The following PCM1 variants were observed in gnomAD, a reference collection of about 807,000 sequenced individuals.
The protein encoded by PCM1 is pericentriolar material 1.
In PCM1, 157 loss-of-function variants were observed where a neutral mutation model predicts 241.9. The observed-to-expected ratio is 0.65, with a 90% CI of 0.57 to 0.74. The LOEUF (loss-of-function observed/expected upper bound fraction) is 0.74. Ranked by LOEUF, PCM1 falls within the 30% of genes least tolerant of loss-of-function variation. PCM1 has a pLI of 0.00. For synonymous variants in PCM1, 1,085 were observed against 784.9 expected, an observed-to-expected ratio of 1.38 and a Z score of -6.39; for missense variants, 3,478 against 2,360.1, an observed-to-expected ratio of 1.47 and a Z score of -9.81.
rs191799077 is a variant in PCM1 at position 17,974,963 on chromosome 8, T to A, written c.3943+2276T>A. Among the ~76,000 whole-genome samples, 12 of 151,986 alleles carry A rather than the reference T, an allele frequency of 7.9e-5. No homozygotes were observed. In the East Asian group the frequency reaches 2.1e-3, roughly 27 times the overall value. On this transcript the variant is annotated intron_variant, in intron 23 of 38. Transcript: ENST00000325083. ...GAAGTAATATGGGGTAAAATCAAAT[T>A]AGCTCAATCCTTGCTATTCAAACTC...
intron 24 of PCM1, among the ~76,000 whole-genome samples, chr8:17,984,742 G>A (rs2082047907): frequency 6.6e-6 from 1 of 151,876 alleles, no homozygotes; most frequent in African/African-American, 2.4e-5. Context: ...ATAATTTTGT[G>A]TTATCAACAA....
intron 36 of PCM1, among the ~76,000 whole-genome samples, chr8:18,016,081 G>C (rs1035859718): frequency 1.3e-5 from 2 of 152,126 alleles, no homozygotes; most frequent in African/African-American, 4.8e-5. Context: ...GTAGAGACAG[G>C]GTTTCACCGT....
At chr8:17,930,101 C>CTTTT (rs3988353) in intron 2 of PCM1, among the ~76,000 whole-genome samples, 1 of 109,290 alleles carries the variant, frequency 9.1e-6, no homozygotes, top group Non-Finnish European at 2.0e-5. Context: ...GGAATACTTC[C>CTTTT]TTTTTTTTTT....
chr8:17,947,039 C>G (rs2064085772), intron 6 of PCM1, 147 bp from the exon 7 acceptor site: 2 of 510,510 alleles, frequency 3.9e-6, no homozygotes, highest in Non-Finnish European at 7.0e-6. Context: ...TCTGTTCTTA[C>G]TCTTTTTTCT....
chr8:17,977,734 T>C (rs2079258692), intron 23 of PCM1, among the ~76,000 whole-genome samples: 1 of 152,180 alleles, frequency 6.6e-6, no homozygotes, highest in Admixed American at 6.5e-5. Context: ...CATTAGTCTT[T>C]GCAGCTGAAG....
intron 26 of PCM1, among the ~76,000 whole-genome samples, chr8:17,987,956 G>T (rs1288717216): frequency 6.6e-6 from 1 of 151,660 alleles, no homozygotes; most frequent in Non-Finnish European, 1.5e-5. Flanking sequence ...TATGCTTCTT[G>T]AGCTTCATTT....
chr8:17,947,525 G>A (rs1290307958), intron 7 of PCM1, among the ~76,000 whole-genome samples, 162 bp downstream of exon 7: 1 of 152,150 alleles, frequency 6.6e-6, no homozygotes, highest in Non-Finnish European at 1.5e-5. Context: ...TGGTTATGCA[G>A]AAAAGGTTGC....
At chr8:17,973,962 A>C (rs971646676) in intron 23 of PCM1, among the ~76,000 whole-genome samples, 1 of 152,192 alleles carries the variant, frequency 6.6e-6, no homozygotes, top group Non-Finnish European at 1.5e-5. Context: ...GATACAAGAG[A>C]ATATTGGCAC....
intron 29 of PCM1, among the ~76,000 whole-genome samples, chr8:17,998,966 C>T (rs2088064047): frequency 6.6e-6 from 1 of 152,122 alleles, no homozygotes; most frequent in African/African-American, 2.4e-5. Context: ...ATGAGTTCTG[C>T]TAATATTCAT....
intron 6 of PCM1, among the ~76,000 whole-genome samples, chr8:17,944,020 A>C (rs1014114844): frequency 3.9e-5 from 6 of 152,196 alleles, no homozygotes; most frequent in Non-Finnish European, 8.8e-5. Flanking sequence ...TGTCAGAAGA[A>C]GGCAAAAGAA....
chr8:17,966,668 G>C (rs150481117), intron 20 of PCM1, among the ~76,000 whole-genome samples, 195 bp downstream of exon 20: 210 of 152,260 alleles, frequency 1.4e-3, no homozygotes, highest in African/African-American at 4.7e-3. Flanking sequence ...ATAAATTTAT[G>C]TTATTGAATT....
intron 30 of PCM1, among the ~76,000 whole-genome samples, chr8:18,007,188 T>C (rs1434530090): frequency 6.6e-6 from 1 of 152,220 alleles, no homozygotes; most frequent in Non-Finnish European, 1.5e-5. Flanking sequence ...CCACATTAGG[T>C]GATACATTTT....
At position 17,969,501 on chromosome 8, in the gene PCM1, A is replaced by C. The variant is rs115446605; in HGVS notation, c.3413-76A>C. ...TGGATTTGAATGACATGTTTAATTA[A>C]AACTGTCTTTTAATTTCATTTTAAA... On this transcript the variant is annotated intron_variant, in intron 21 of 38. Transcript: ENST00000325083. 1,886 of 1,119,072 alleles carry C rather than the reference A, an allele frequency of 1.7e-3. 24 individuals are homozygous for C. In the African/African-American group the frequency reaches 0.027, roughly 16 times the overall value. The allele number at this position is 1,119,072 out of a possible 1,614,324, so 69.3% of individuals were successfully genotyped here. A position where few individuals can be genotyped will look rare whatever the true frequency, so the allele number is the denominator to read the frequency against.
At position 17,966,163 on chromosome 8, in the gene PCM1, A is replaced by G. The variant is rs755784808; in HGVS notation, c.3020A>G (p.Lys1007Arg). The change falls in exon 19 of 39, where the codon AAG (lysine) becomes AGG (arginine). Residue 1007 changes from lysine to arginine, a missense_variant. By Grantham distance (26) the Lys-to-Arg change is conservative. Coordinates refer to ENST00000325083, the MANE Select transcript of PCM1 (RefSeq NM_006197.4). ...EQWQEQINQL[K>R]KQLDFSVSIC... ...TGGCAAGAACAAATCAATCAGCTAA[A>G]GAAACAGCTTGATTTTAGTGTCAGT... is the stretch of plus-strand genomic sequence containing the variant. 3 of 1,613,884 alleles carry G rather than the reference A, an allele frequency of 1.9e-6. No homozygotes were observed. Among genetic ancestry groups the G allele is most frequent in the Non-Finnish European group, 2.5e-6 (3 of 1,179,876 alleles).
intron 23 of PCM1, among the ~76,000 whole-genome samples, chr8:17,978,852 C>G (rs2079667677): frequency 1.3e-5 from 2 of 152,128 alleles, no homozygotes; most frequent in Admixed American, 6.5e-5. Context: ...TCTAGACTAT[C>G]AACACTAGAG....
Position 17,962,172 on chromosome 8 carries a change from G to C in PCM1, c.2461G>C (p.Glu821Gln). Reference protein sequence around the residue: ...EPEDSSIVDNELWSEMRRHEM... With the variant: ...EPEDSSIVDNQLWSEMRRHEM... ...TGAAGATTCTTCAATAGTAGATAAT[G>C]AGGTATTGTAAATTGTACTCTCTTG... Residue 821 changes from glutamate to glutamine, a missense_variant and splice_region_variant, in exon 16 of 39, where the codon GAG becomes CAG. Transcript: ENST00000325083. 2 of 1,600,848 alleles carry C rather than the reference G, an allele frequency of 1.2e-6. No homozygotes were observed. Among genetic ancestry groups the C allele is most frequent in the Non-Finnish European group, 1.7e-6 (2 of 1,172,212 alleles).
intron 7 of PCM1, among the ~76,000 whole-genome samples, chr8:17,949,663 A>C (rs2065259269): frequency 6.6e-6 from 1 of 151,984 alleles, no homozygotes; most frequent in African/African-American, 2.4e-5. Flanking sequence ...ACGCCGGGCT[A>C]ATTTTTGTAG....
At chr8:17,941,663 G>T (rs2467076) in intron 6 of PCM1, among the ~76,000 whole-genome samples, 1 of 152,040 alleles carries the variant, frequency 6.6e-6, no homozygotes, top group South Asian at 2.1e-4. Flanking sequence ...GCATCTTTTA[G>T]TCTGAGAATT....
At chr8:17,939,941 C>G in intron 6 of PCM1, 80 bp downstream of exon 6, 3 of 1,096,602 alleles carry the variant, frequency 2.7e-6, no homozygotes, top group Non-Finnish European at 4.0e-6. Flanking sequence ...CTGATGCCAC[C>G]CCAGAGGAGT....
Sources: allele counts gnomAD v4.1 joint callset (sites outside exome capture counted in the v4.1 genomes callset), GRCh38; gene constraint gnomAD v4.1.1; transcripts MANE v1.5; gene names NCBI Gene and HGNC (gene_info 2026-07-23, HGNC 2026-07-21).